Variants in L3MBTL4 observed in about 807,000 individuals in gnomAD.
L3MBTL4 encodes lethal(3)malignant brain tumor-like protein 4.
In L3MBTL4, 70 loss-of-function variants were observed where a neutral mutation model predicts 84.5. That is an observed-to-expected ratio of 0.83 (90% CI 0.68 to 1.01). The LOEUF is 1.01. L3MBTL4 is among the 50% of genes least tolerant of loss of function. L3MBTL4 has a pLI of 0.00. For missense variants in L3MBTL4, 715 were observed against 754.8 expected (o/e 0.95, Z 0.62); for synonymous variants, 274 against 259.8 (o/e 1.05, Z -0.52).
chr18:6,038,988 A>T (rs992028485), intron 16 of L3MBTL4, among the ~76,000 whole-genome samples: 1 of 150,906 alleles, frequency 6.6e-6, no homozygotes, highest in Non-Finnish European at 1.5e-5. Flanking sequence ...GAGAGCACCT[A>T]CTCTCTCTCT....
intron 1 of L3MBTL4, among the ~76,000 whole-genome samples, chr18:6,378,018 G>A (rs1407399968): frequency 6.6e-6 from 1 of 152,130 alleles, no homozygotes; most frequent in Non-Finnish European, 1.5e-5. Flanking sequence ...CATTCTAACT[G>A]GTGTTAAGAT....
intron 1 of L3MBTL4, among the ~76,000 whole-genome samples, chr18:6,400,727 T>G (rs1464352349): frequency 1.3e-5 from 2 of 152,140 alleles, no homozygotes; most frequent in African/African-American, 4.8e-5. Context: ...TTTTGTAAAC[T>G]ACTTGGGAGG....
At chr18:6,168,877 C>T (rs1405420839) in intron 13 of L3MBTL4, among the ~76,000 whole-genome samples, 2 of 152,170 alleles carry the variant, frequency 1.3e-5, no homozygotes, top group Non-Finnish European at 2.9e-5. Flanking sequence ...AAACCACCAT[C>T]AGAGTGAACA....
chr18:6,043,848 T>C (rs569140960), intron 16 of L3MBTL4, among the ~76,000 whole-genome samples: 48 of 152,312 alleles, frequency 3.2e-4, no homozygotes, highest in South Asian at 2.7e-3. Flanking sequence ...TGAGTTAAAT[T>C]ATAGGAAAAT....
chr18:6,298,877 A>AC (rs2050216150), intron 4 of L3MBTL4, among the ~76,000 whole-genome samples: 1 of 151,982 alleles, frequency 6.6e-6, no homozygotes, highest in African/African-American at 2.4e-5. Flanking sequence ...TCTGTCCAAA[A>AC]AAAAACAAAA....
At chr18:6,178,457 C>T (rs990010237) in intron 12 of L3MBTL4, among the ~76,000 whole-genome samples, 1 of 152,162 alleles carries the variant, frequency 6.6e-6, no homozygotes. Flanking sequence ...AGGAGACTGG[C>T]ATTTTAAGTC....
In L3MBTL4 at chr18:6,231,741, G is replaced by A. The variant is rs139464388; in HGVS notation, c.784+6223C>T. 3.8e-4 allele frequency among the ~76,000 whole-genome samples: 58 copies of A among 152,154 alleles called. 1 individual carries two copies. In the East Asian group the frequency reaches 6.4e-3, roughly 17 times the overall value. On this transcript the variant is annotated intron_variant, in intron 10 of 18. Coordinates refer to ENST00000317931, the MANE Select transcript of L3MBTL4 (RefSeq NM_001330559.2). The stretch of plus-strand genomic sequence containing the variant: ...GTAAAGAAATGCAACTGATTTTTGT[G>A]TGTTGATTTTGTATCCTGCCATTTT...
At chr18:6,279,711 G>A (rs1448815653) in intron 4 of L3MBTL4, among the ~76,000 whole-genome samples, 1 of 152,078 alleles carries the variant, frequency 6.6e-6, no homozygotes, top group Admixed American at 6.5e-5. Flanking sequence ...CATATAATTA[G>A]GAGGTTAATA....
At chr18:5,981,007 C>T (rs755920123) in intron 16 of L3MBTL4, among the ~76,000 whole-genome samples, 1 of 152,186 alleles carries the variant, frequency 6.6e-6, no homozygotes, top group African/African-American at 2.4e-5. Flanking sequence ...TCTGTGCCCA[C>T]ACCAAATTTC....
intron 1 of L3MBTL4, among the ~76,000 whole-genome samples, chr18:6,334,448 G>GT (rs954581616): frequency 3.3e-5 from 5 of 151,998 alleles, no homozygotes; most frequent in African/African-American, 4.8e-5. Flanking sequence ...AGGTGACAAA[G>GT]TTTTTTTAAA....
Position 6,408,166 on chromosome 18 carries a change from A to G in L3MBTL4, c.-91+6635T>C, listed in dbSNP as rs341241. 1.3e-3 allele frequency among the ~76,000 whole-genome samples: 205 copies of G among 152,330 alleles called. 2 individuals carry two copies. Among genetic ancestry groups the G allele is most frequent in the African/African-American group, 4.5e-3 (185 of 41,566 alleles). ...TGTTATAAAGTTTACATTGTTCTCAACCTGGCACCAGGATGTGCTCACAGT... is the reference window on the plus strand; with the variant it reads ...TGTTATAAAGTTTACATTGTTCTCAGCCTGGCACCAGGATGTGCTCACAGT... On this transcript the variant is annotated intron_variant, in intron 1 of 18. Coordinates refer to ENST00000317931, the MANE Select transcript of L3MBTL4 (RefSeq NM_001330559.2).
intron 14 of L3MBTL4, among the ~76,000 whole-genome samples, chr18:6,108,434 G>A (rs943302348): frequency 6.6e-6 from 1 of 152,120 alleles, no homozygotes; most frequent in Non-Finnish European, 1.5e-5. Flanking sequence ...AATCTGTGTG[G>A]ATAAGCTGGT....
intron 14 of L3MBTL4, among the ~76,000 whole-genome samples, chr18:6,103,042 G>A (rs1598754245): frequency 6.6e-6 from 1 of 152,166 alleles, no homozygotes; most frequent in South Asian, 2.1e-4. Flanking sequence ...ATGTAATAGC[G>A]TGCTATGTAG....
intron 14 of L3MBTL4, among the ~76,000 whole-genome samples, chr18:6,131,037 G>C (rs554622521): frequency 6.6e-6 from 1 of 152,242 alleles, no homozygotes; most frequent in Non-Finnish European, 1.5e-5. Flanking sequence ...ACCTATCAAA[G>C]TGAGGTAGTA....
chr18:6,074,859 T>C (rs573564803), intron 16 of L3MBTL4, among the ~76,000 whole-genome samples: 1 of 152,266 alleles, frequency 6.6e-6, no homozygotes, highest in Admixed American at 6.5e-5. Flanking sequence ...TTGGAAATTA[T>C]TTTAATATAA....
chr18:6,155,331 G>C (rs1286198870), intron 13 of L3MBTL4, among the ~76,000 whole-genome samples: 1 of 152,206 alleles, frequency 6.6e-6, no homozygotes, highest in Non-Finnish European at 1.5e-5. Flanking sequence ...TGTAGCAGAA[G>C]ACTGCACTGC....
At chr18:6,221,544 G>A (rs776324765) in intron 10 of L3MBTL4, among the ~76,000 whole-genome samples, 4 of 152,128 alleles carry the variant, frequency 2.6e-5, no homozygotes, top group African/African-American at 4.8e-5. Flanking sequence ...ACAAGGCAAG[G>A]CAACTAACAA....
intron 9 of L3MBTL4, among the ~76,000 whole-genome samples, chr18:6,239,108 G>A (rs572256771): frequency 3.2e-4 from 48 of 152,070 alleles, no homozygotes; most frequent in African/African-American, 5.5e-4. Context: ...TTGGGAGGCC[G>A]AGGCGGGCGG....
chr18:6,349,017 A>G (rs553994286), intron 1 of L3MBTL4, among the ~76,000 whole-genome samples: 2 of 152,364 alleles, frequency 1.3e-5, no homozygotes, highest in East Asian at 3.9e-4. Context: ...TTACACAGCC[A>G]CCAAAATGGT....
Sources: allele counts gnomAD v4.1 joint callset (sites outside exome capture counted in the v4.1 genomes callset), GRCh38; gene constraint gnomAD v4.1.1; transcripts MANE v1.5; gene names NCBI Gene and HGNC (gene_info 2026-07-23, HGNC 2026-07-21).